C17orf78: variants seen among roughly 807,000 people sequenced by gnomAD.
C17orf78 encodes uncharacterized protein C17orf78.
Under a neutral mutation model 31.8 loss-of-function variants are expected in C17orf78, and 27 were observed. The observed-to-expected ratio is 0.85, with a 90% CI of 0.63 to 1.17. C17orf78 has a LOEUF of 1.17. Ranked by LOEUF, C17orf78 falls within the 50% of genes most tolerant of loss-of-function variation. C17orf78 has a pLI of 0.00. For missense variants in C17orf78, 258 were observed against 315.2 expected (o/e 0.82, Z 1.37); for synonymous variants, 106 against 115.1 (o/e 0.92, Z 0.51).
Position 37,389,361 on chromosome 17 carries a change from A to C in C17orf78, c.749A>C (p.Lys250Thr). The C allele has an allele frequency of 6.3e-7, 1 of 1,577,202 alleles. No individual in the cohort carries two copies. Among genetic ancestry groups the C allele is most frequent in the Non-Finnish European group, 8.6e-7 (1 of 1,161,368 alleles). The change falls in exon 6 of 7, where the codon AAG (lysine) becomes ACG (threonine). Residue 250 changes from lysine (K) to threonine (T), a missense_variant and splice_region_variant. Coordinates refer to ENST00000615133, the MANE Select transcript of C17orf78 (RefSeq NM_173625.5). ...AESKPDSQPQ[K>T]VGQDAANSSN... ...TCCAAGCCTGACTCTCAGCCCCAGAAGGAAAGTGTTCTCTGTGTGGTTTAT... is the reference window on the plus strand; with the variant it reads ...TCCAAGCCTGACTCTCAGCCCCAGACGGAAAGTGTTCTCTGTGTGGTTTAT...
At chr17:37,384,759 T>C (rs1346446352) in intron 3 of C17orf78, among the ~76,000 whole-genome samples, 1 of 152,232 alleles carries the variant, frequency 6.6e-6, no homozygotes, top group Non-Finnish European at 1.5e-5. Flanking sequence ...ACTGTCTTCC[T>C]GATTAAACTG....
Position 37,376,008 on chromosome 17 carries a change from G to C in C17orf78, c.-85G>C. On this transcript the variant is annotated 5_prime_UTR_variant, in exon 1 of 7. Transcript: ENST00000615133. ...GTCAAACTTGGTTCCAGCTGCGTGT[G>C]GTGAAAGCAACTAGAGGCAGAGCTA... is the stretch of plus-strand genomic sequence containing the variant. 8.4e-7 allele frequency: 1 copy of C among 1,192,396 alleles called. No individual in the cohort carries two copies. The highest frequency in any genetic ancestry group is 1.2e-6 in the Non-Finnish European group (1 of 805,114). The allele number at this position is 1,192,396 out of a possible 1,614,324, so 73.9% of individuals were successfully genotyped here. A position where few individuals can be genotyped will look rare whatever the true frequency, so the allele number is the denominator to read the frequency against.
chr17:37,385,076 A>G (rs187419997), intron 3 of C17orf78, among the ~76,000 whole-genome samples: 1 of 152,052 alleles, frequency 6.6e-6, no homozygotes, highest in Non-Finnish European at 1.5e-5. Flanking sequence ...GAATCACATC[A>G]TCTCTCATCT....
rs1485561896 is a variant in C17orf78 at position 37,390,318 on chromosome 17, A to ATC, written c.750+957_750+958insCT. The stretch of plus-strand genomic sequence containing the variant: ...ATTATACATAATTATATATATATAT[A>ATC]TATATATATATATATAAAAGGCCAG... On this transcript the variant is annotated intron_variant, in intron 6 of 6. Transcript: ENST00000615133. Among the ~76,000 whole-genome samples, 9 of 52,236 alleles carry ATC rather than the reference A, an allele frequency of 1.7e-4. No homozygotes were observed. In the South Asian group the frequency reaches 1.7e-3, roughly 10 times the overall value. 34.3% of individuals were successfully genotyped at this position (52,236 alleles called of 152,430 possible).
At chr17:37,381,963 T>A (rs1426291673) in intron 3 of C17orf78, among the ~76,000 whole-genome samples, 1 of 152,190 alleles carries the variant, frequency 6.6e-6, no homozygotes, top group Admixed American at 6.6e-5. Context: ...CCTATTGATA[T>A]ATATTTTGGT....
At position 37,390,310 on chromosome 17, in the gene C17orf78, A is replaced by AT. The variant is rs1380046957; in HGVS notation, c.750+949dup. Among the ~76,000 whole-genome samples the AT allele has an allele frequency of 4.8e-4, 23 of 48,304 alleles. 7 individuals are homozygous for AT. The East Asian group carries it at 0.011, about 23-fold the overall frequency. 31.7% of individuals were successfully genotyped at this position (48,304 alleles called of 152,430 possible). A position where few individuals can be genotyped will look rare whatever the true frequency, so the allele number is the denominator to read the frequency against. ...AATTATATATTATACATAATTATAT[A>AT]TATATATATATATATATATATATAA... On this transcript the variant is annotated intron_variant, in intron 6 of 6. Transcript: ENST00000615133.
intron 5 of C17orf78, 51 bp downstream of exon 5, chr17:37,388,845 T>C (rs1202225916): frequency 1.2e-6 from 2 of 1,600,224 alleles, no homozygotes; most frequent in Non-Finnish European, 1.7e-6. Context: ...AAAGACTTTC[T>C]TCTGTTCCAG....
chr17:37,388,600 G>A, intron 4 of C17orf78, 70 bp from the exon 5 acceptor site: 1 of 1,521,578 alleles, frequency 6.6e-7, no homozygotes, highest in Non-Finnish European at 9.0e-7. Flanking sequence ...AGAACTTCAG[G>A]TCAAAGGATC....
chr17:37,390,334 A>ATCT (rs2050822111), intron 6 of C17orf78, among the ~76,000 whole-genome samples: 2 of 93,424 alleles, frequency 2.1e-5, no homozygotes, highest in African/African-American at 4.5e-5. Context: ...ATATATATAT[A>ATCT]AAAGGCCAGC....
chr17:37,379,251 G>A lies in C17orf78; in HGVS notation c.260G>A (p.Arg87Lys). 1 of 1,613,996 alleles carries A rather than the reference G, an allele frequency of 6.2e-7. No individual in the cohort carries two copies. Among genetic ancestry groups the A allele is most frequent in the Non-Finnish European group, 8.5e-7 (1 of 1,179,888 alleles). ...GTCAACCTTGTATATTTGGAGAGAAGGCCAAAGGTCAAGCATATTTTGAAG... is the reference window on the plus strand; with the variant it reads ...GTCAACCTTGTATATTTGGAGAGAAAGCCAAAGGTCAAGCATATTTTGAAG... Reference protein sequence around the residue: ...VKVNLVYLERRPKVKHILKNL... With the variant: ...VKVNLVYLERKPKVKHILKNL... The change falls in exon 3 of 7, where the codon AGG (arginine) becomes AAG (lysine). Residue 87 changes from arginine (R) to lysine (K), a missense_variant. Coordinates refer to ENST00000615133, the MANE Select transcript of C17orf78 (RefSeq NM_173625.5).
At chr17:37,390,140 G>GTATA (rs1243535532) in intron 6 of C17orf78, among the ~76,000 whole-genome samples, 401 of 34,586 alleles carry the variant, frequency 0.012, 12 homozygotes, top group Middle Eastern at 0.031. Context: ...AAAAAAAAAA[G>GTATA]TATATATATA....
intron 4 of C17orf78, 65 bp downstream of exon 4, chr17:37,386,190 G>T: frequency 3.6e-6 from 4 of 1,096,162 alleles, no homozygotes; most frequent in Non-Finnish European, 5.2e-6. Flanking sequence ...GAACAGAAAA[G>T]AAACATTTTT....
In C17orf78 at chr17:37,381,812, A is replaced by G. The variant is rs541032723; in HGVS notation, c.391+2430A>G. Among the ~76,000 whole-genome samples, 13 of 151,716 alleles carry G rather than the reference A, an allele frequency of 8.6e-5. No homozygotes were observed. The South Asian group carries it at 1.9e-3, about 22-fold the overall frequency. On this transcript the variant is annotated intron_variant, in intron 3 of 6. Coordinates refer to ENST00000615133, the MANE Select transcript of C17orf78 (RefSeq NM_173625.5). ...CCAGTTAATTTTTTGTATTTTTGGT[A>G]GAGATGGGGTTTCACCGTGTTGGCC...
At position 37,379,357 on chromosome 17, in the gene C17orf78, G is replaced by T; in HGVS notation, c.366G>T (p.Gln122His). 1.2e-6 allele frequency: 2 copies of T among 1,613,940 alleles called. No homozygotes were observed. The highest frequency in any genetic ancestry group is 1.1e-5 in the South Asian group (1 of 91,074). Reference sequence around the variant, plus strand: ...ACCTAATCCCCACATCCAAGTTTCAGACTGGATCTCTTCTAAAAGGCAAAG... The same window carrying T: ...ACCTAATCCCCACATCCAAGTTTCATACTGGATCTCTTCTAAAAGGCAAAG... Reference protein sequence around the residue: ...SCHLIPTSKFQTGSLLKGKAF... With the variant: ...SCHLIPTSKFHTGSLLKGKAF... The change falls in exon 3 of 7, where the codon CAG becomes CAT. Residue 122 changes from glutamine to histidine, a missense_variant. Physicochemically the swap from Gln to His is conservative, Grantham distance 24. Transcript: ENST00000615133.
chr17:37,378,998 G>A, intron 2 of C17orf78, 139 bp from the exon 3 acceptor site: 1 of 1,035,944 alleles, frequency 9.7e-7, no homozygotes, highest in Non-Finnish European at 1.4e-6. Context: ...GGAGATCGAG[G>A]GAGTTTGAGG....
intron 3 of C17orf78, among the ~76,000 whole-genome samples, chr17:37,380,601 T>G (rs998779452): frequency 1.3e-4 from 20 of 152,086 alleles, no homozygotes; most frequent in African/African-American, 4.3e-4. Flanking sequence ...TTTCTTTTTT[T>G]TTGTTTTTGT....
chr17:37,381,659 G>T (rs1400680720), intron 3 of C17orf78, among the ~76,000 whole-genome samples: 2 of 120,642 alleles, frequency 1.7e-5, no homozygotes, highest in African/African-American at 6.6e-5. Context: ...ACAGAGTCTC[G>T]CTCCGTTGCC....
chr17:37,386,459 G>A (rs1186187730), intron 4 of C17orf78, among the ~76,000 whole-genome samples: 1 of 152,110 alleles, frequency 6.6e-6, no homozygotes, highest in Non-Finnish European at 1.5e-5. Flanking sequence ...GGACGTGGTG[G>A]CAGGTACCTG....
Position 37,378,239 on chromosome 17 carries a change from T to C in C17orf78, c.145+274T>C, listed in dbSNP as rs117874678. On this transcript the variant is annotated intron_variant, in intron 2 of 6. Coordinates refer to ENST00000615133, the MANE Select transcript of C17orf78 (RefSeq NM_173625.5). ...AAAGAAAAATCTATGAGCATTTCTCTGTGCTAAATTTACTGCTGTCACCAA... is the reference window on the plus strand; with the variant it reads ...AAAGAAAAATCTATGAGCATTTCTCCGTGCTAAATTTACTGCTGTCACCAA... 2.0e-3 allele frequency among the ~76,000 whole-genome samples: 312 copies of C among 152,334 alleles called. 1 individual carries two copies. Among genetic ancestry groups the C allele is most frequent in the Non-Finnish European group, 1.5e-3 (101 of 68,026 alleles).
Sources: gnomAD v4.1 joint callset for allele counts (sites outside exome capture counted in the v4.1 genomes callset) on GRCh38, gnomAD v4.1.1 for gene constraint, MANE v1.5 for transcripts, NCBI Gene and HGNC (gene_info 2026-07-23, HGNC 2026-07-21) for gene names.